Variants in COL24A1 observed in about 807,000 individuals in gnomAD.
COL24A1 encodes collagen alpha-1(XXIV) chain.
A neutral mutation model predicts 253.9 loss-of-function variants in COL24A1; 224 were observed. That is an observed-to-expected ratio of 0.88 (90% CI 0.79 to 0.99). The LOEUF is 0.99. Among genes scored for constraint, COL24A1 ranks in the 50% least tolerant of loss-of-function variants. COL24A1 has a pLI of 0.00. For missense variants in COL24A1, 2,131 were observed against 2,068.5 expected (o/e 1.03, Z -0.59); for synonymous variants, 685 against 673.7 (o/e 1.02, Z -0.26).
intron 53 of COL24A1, among the ~76,000 whole-genome samples, chr1:85,765,503 G>C (rs1461867239): frequency 6.7e-6 from 1 of 150,304 alleles, no homozygotes; most frequent in African/African-American, 2.4e-5. Flanking sequence ...GCCAGGGTTC[G>C]AGGCCAGCCT....
intron 47 of COL24A1, among the ~76,000 whole-genome samples, chr1:85,788,334 G>A (rs908082154): frequency 8.5e-5 from 13 of 152,152 alleles, no homozygotes; most frequent in South Asian, 2.1e-4. Context: ...CTCGTGATCC[G>A]CCCATCTCGG....
chr1:85,944,333 ATT>A (rs1689030646), intron 24 of COL24A1, among the ~76,000 whole-genome samples: 1 of 152,164 alleles, frequency 6.6e-6, no homozygotes, highest in African/African-American at 2.4e-5. Flanking sequence ...TCACTAGAAT[ATT>A]TGAGTGTTTA....
intron 1 of COL24A1, among the ~76,000 whole-genome samples, chr1:86,149,030 A>G (rs974713844): frequency 6.6e-6 from 1 of 151,996 alleles, no homozygotes; most frequent in African/African-American, 2.4e-5. Context: ...TGACTTTTTA[A>G]TGATTGCCAT....
chr1:85,775,637 T>G, intron 53 of COL24A1, 37 bp downstream of exon 53: 4 of 1,570,598 alleles, frequency 2.5e-6, no homozygotes, highest in Non-Finnish European at 3.5e-6. Flanking sequence ...TAGCCTAGTG[T>G]CAGGGTTACT....
intron 24 of COL24A1, among the ~76,000 whole-genome samples, chr1:85,918,067 T>C (rs984245199): frequency 6.6e-6 from 1 of 152,190 alleles, no homozygotes. Context: ...GAAATTATTT[T>C]TGATATCTTT....
intron 4 of COL24A1, among the ~76,000 whole-genome samples, chr1:86,113,302 G>A (rs1331035543): frequency 1.3e-5 from 2 of 152,120 alleles, no homozygotes; most frequent in Non-Finnish European, 2.9e-5. Context: ...GTAAGTAGAG[G>A]AACAGATCAC....
At chr1:85,997,039 A>ATGTGTGTGTGTGTGTGTG (rs1491173763) in intron 19 of COL24A1, among the ~76,000 whole-genome samples, 9 of 48,452 alleles carry the variant, frequency 1.9e-4, no homozygotes, top group Middle Eastern at 8.3e-3. Context: ...ATATATATAT[A>ATGTGTGTGTGTGTGTGTG]TATGTGTGTG....
chr1:86,135,800 A>C (rs780510666), intron 2 of COL24A1, among the ~76,000 whole-genome samples: 1 of 148,336 alleles, frequency 6.7e-6, no homozygotes, highest in Non-Finnish European at 1.5e-5. Flanking sequence ...TCAGTTTAAC[A>C]GCAACATTTT....
intron 20 of COL24A1, among the ~76,000 whole-genome samples, chr1:85,976,581 C>T (rs941382145): frequency 4.6e-5 from 7 of 152,132 alleles, no homozygotes; most frequent in African/African-American, 1.7e-4. Context: ...GACATAAACT[C>T]TTGGGAGCTT....
chr1:86,133,635 T>C (rs1240578079), intron 2 of COL24A1, among the ~76,000 whole-genome samples: 1 of 152,204 alleles, frequency 6.6e-6, no homozygotes, highest in Non-Finnish European at 1.5e-5. Flanking sequence ...TGGCTCTGTT[T>C]ATATGCTGGA....
In COL24A1 at chr1:86,048,255, T is replaced by C. The variant is rs150090333; in HGVS notation, c.1906-1386A>G. ...CACACAATATGCATGTAATGTACAA[T>C]ATTGACTCCCAGAAATGACTTCTTT... On this transcript the variant is annotated intron_variant, in intron 11 of 59. Coordinates refer to ENST00000370571, the MANE Select transcript of COL24A1 (RefSeq NM_152890.7). Among the ~76,000 whole-genome samples the C allele has an allele frequency of 5.4e-4, 83 of 152,312 alleles. No individual in the cohort carries two copies. The East Asian group carries it at 0.015, about 28-fold the overall frequency.
At chr1:85,788,007 G>A (rs760971216) in intron 47 of COL24A1, among the ~76,000 whole-genome samples, 1 of 141,636 alleles carries the variant, frequency 7.1e-6, no homozygotes, top group Non-Finnish European at 1.6e-5. Context: ...TTTTTGATAT[G>A]TTTGTTGGCT....
intron 24 of COL24A1, among the ~76,000 whole-genome samples, chr1:85,915,791 G>A (rs1685838588): frequency 6.6e-6 from 1 of 152,122 alleles, no homozygotes; most frequent in Non-Finnish European, 1.5e-5. Context: ...TGGGACTACA[G>A]GCACAGAGCA....
At chr1:85,978,474 G>T (rs1435208954) in intron 20 of COL24A1, among the ~76,000 whole-genome samples, 1 of 151,938 alleles carries the variant, frequency 6.6e-6, no homozygotes, top group Non-Finnish European at 1.5e-5. Flanking sequence ...GTCTTCAAGA[G>T]GCTCACCTAA....
intron 52 of COL24A1, among the ~76,000 whole-genome samples, chr1:85,777,143 T>C (rs1201091691): frequency 1.3e-5 from 2 of 151,810 alleles, no homozygotes; most frequent in African/African-American, 4.8e-5. Flanking sequence ...AGAGATGGCG[T>C]TTCACCATGT....
chr1:85,789,112 A>C (rs1210241201), intron 47 of COL24A1, among the ~76,000 whole-genome samples: 3 of 152,126 alleles, frequency 2.0e-5, no homozygotes, highest in Middle Eastern at 3.2e-3. Context: ...TGTCAATGGT[A>C]GTTTTATGGG....
At chr1:86,111,385 G>T (rs1006137124) in intron 5 of COL24A1, among the ~76,000 whole-genome samples, 29 of 151,696 alleles carry the variant, frequency 1.9e-4, no homozygotes, top group African/African-American at 7.0e-4. Context: ...GTGGGGACTT[G>T]GAGAACTTTT....
At chr1:85,788,101 G>GT (rs1248498353) in intron 47 of COL24A1, among the ~76,000 whole-genome samples, 23 of 151,366 alleles carry the variant, frequency 1.5e-4, no homozygotes, top group East Asian at 5.9e-4. Flanking sequence ...ATTTTATTAT[G>GT]TTTTTTGGAG....
intron 16 of COL24A1, 25 bp downstream of exon 16, chr1:86,022,808 T>C (rs1469095076): frequency 7.2e-7 from 1 of 1,380,412 alleles, no homozygotes; most frequent in Admixed American, 3.0e-5. Flanking sequence ...AAAAATTATT[T>C]TTATAATATT....
Sources: gnomAD v4.1 joint callset for allele counts (sites outside exome capture counted in the v4.1 genomes callset) on GRCh38, gnomAD v4.1.1 for gene constraint, MANE v1.5 for transcripts, NCBI Gene and HGNC (gene_info 2026-07-23, HGNC 2026-07-21) for gene names.